Variants in SMC6 observed in about 807,000 individuals in gnomAD.
The protein encoded by SMC6 is structural maintenance of chromosomes protein 6.
Under a neutral mutation model 142.2 loss-of-function variants are expected in SMC6, and 79 were observed. The observed-to-expected ratio is 0.56, with a 90% confidence interval of 0.46 to 0.67. The LOEUF (loss-of-function observed/expected upper bound fraction) is 0.67. Among genes scored for constraint, SMC6 ranks in the 30% least tolerant of loss-of-function variants. SMC6 has a pLI of 0.00. For missense variants in SMC6, 1,072 were observed against 1,284.0 expected (o/e 0.83, Z 2.52); for synonymous variants, 411 against 412.4 (o/e 1.00, Z 0.04).
intron 7 of SMC6, among the ~76,000 whole-genome samples, chr2:17,730,398 GAA>G (rs199786807): frequency 7.4e-5 from 8 of 107,922 alleles, no homozygotes; most frequent in African/African-American, 1.2e-4. Flanking sequence ...CACTCATCCA[GAA>G]AAAAAAAAAA....
intron 21 of SMC6, 66 bp from the exon 22 acceptor site, chr2:17,696,492 T>C: frequency 6.6e-7 from 1 of 1,514,314 alleles, no homozygotes; most frequent in East Asian, 2.3e-5. Flanking sequence ...ATAAAGATAA[T>C]AAACAACTCG....
chr2:17,676,393 C>T (rs891454378), intron 25 of SMC6, among the ~76,000 whole-genome samples: 12 of 152,064 alleles, frequency 7.9e-5, no homozygotes, highest in African/African-American at 2.7e-4. Flanking sequence ...CCTTTCCATG[C>T]TTCTTCATAT....
chr2:17,748,397 G>A (rs1449128830), intron 2 of SMC6, among the ~76,000 whole-genome samples: 1 of 152,058 alleles, frequency 6.6e-6, no homozygotes, highest in Non-Finnish European at 1.5e-5. Flanking sequence ...TTATGAAGTC[G>A]AATACCATTT....
Position 17,704,656 on chromosome 2 carries a change from C to T in SMC6, c.2007-1364G>A, listed in dbSNP as rs532556570. On this transcript the variant is annotated intron_variant, in intron 18 of 27. Coordinates refer to ENST00000448223, the MANE Select transcript of SMC6 (RefSeq NM_001142286.2). Reference sequence around the variant, plus strand: ...ATCTCTGAAATCTGAAACCATTTTGCAGTTTGTGGTTCAATTAGCATTTAT... The same window carrying T: ...ATCTCTGAAATCTGAAACCATTTTGTAGTTTGTGGTTCAATTAGCATTTAT... Among the ~76,000 whole-genome samples the T allele has an allele frequency of 9.2e-5, 14 of 152,260 alleles. No individual in the cohort carries two copies. The South Asian group carries it at 2.9e-3, about 32-fold the overall frequency.
chr2:17,741,116 A>G (rs2125072276), intron 4 of SMC6, among the ~76,000 whole-genome samples: 1 of 152,340 alleles, frequency 6.6e-6, no homozygotes, highest in East Asian at 1.9e-4. Flanking sequence ...CTAATGAGCA[A>G]TCTTTGCCTG....
chr2:17,717,110 G>C lies in SMC6; in HGVS notation c.1159C>G (p.Arg387Gly). The change falls in exon 13 of 28, where the codon CGA becomes GGA. Residue 387 changes from arginine to glycine, a missense_variant. Transcript: ENST00000448223. ...TACCTTTTTTTCAGCTCTTCAATTC[G>C]TTTACAAAGCTGCTCATCATCTTTC... ...LKKDDEQLCK[R>G]IEELKKSTDQ... The C allele has an allele frequency of 6.2e-7, 1 of 1,610,390 alleles. No homozygotes were observed. Among genetic ancestry groups the C allele is most frequent in the Non-Finnish European group, 8.5e-7 (1 of 1,178,784 alleles).
chr2:17,709,223 A>G (rs917969058), intron 16 of SMC6, among the ~76,000 whole-genome samples: 1 of 151,072 alleles, frequency 6.6e-6, no homozygotes, highest in Non-Finnish European at 1.5e-5. Flanking sequence ...AATTTCCTTA[A>G]ATCTCATACA....
intron 21 of SMC6, among the ~76,000 whole-genome samples, chr2:17,696,906 A>G (rs1668029320): frequency 6.6e-6 from 1 of 152,178 alleles, no homozygotes; most frequent in African/African-American, 2.4e-5. Flanking sequence ...AAAAACAAAC[A>G]GTAGTAGATA....
chr2:17,726,539 ATACAT>A (rs1245994456), intron 7 of SMC6, 70 bp from the exon 8 acceptor site: 10 of 1,302,944 alleles, frequency 7.7e-6, no homozygotes, highest in East Asian at 7.0e-5. Context: ...AAACTGAAAC[ATACAT>A]TACAAGTGAC....
intron 21 of SMC6, among the ~76,000 whole-genome samples, chr2:17,699,188 T>C (rs1389463036): frequency 6.6e-6 from 1 of 152,148 alleles, no homozygotes; most frequent in African/African-American, 2.4e-5. Flanking sequence ...AGTTTGCCTT[T>C]ATCTGAGAAT....
intron 21 of SMC6, among the ~76,000 whole-genome samples, chr2:17,697,297 C>A (rs1572283210): frequency 6.6e-6 from 1 of 151,214 alleles, no homozygotes; most frequent in African/African-American, 2.4e-5. Context: ...TGTATTTATA[C>A]AAAAACAGAT....
At chr2:17,749,851 C>T (rs58748546) in intron 2 of SMC6, among the ~76,000 whole-genome samples, 22,379 of 152,102 alleles carry the variant, frequency 0.15, 2,113 homozygotes, top group African/African-American at 0.27. Flanking sequence ...TAGTGACACA[C>T]ATAACAGAAT....
Position 17,703,240 on chromosome 2 carries a change from G to A in SMC6, c.2059C>T (p.Gln687Ter). 6.2e-7 allele frequency: 1 copy of A among 1,606,138 alleles called. No individual in the cohort carries two copies. The highest frequency in any genetic ancestry group is 1.1e-5 in the South Asian group (1 of 90,088). ...NKTAQILNLQ[Q>*]HLSALEKDIK... ...TCTTTTTCAAGGGCAGATAAATGTT[G>A]CTGAAGATTTAATATCTGGGCCGTC... is the stretch of plus-strand genomic sequence containing the variant. Residue 687 changes from glutamine (Q) to a stop codon, truncating the protein, a stop_gained, in exon 19 of 28, where the codon CAA becomes TAA. Coordinates refer to ENST00000448223, the MANE Select transcript of SMC6 (RefSeq NM_001142286.2). LOFTEE classifies it high-confidence loss of function.
intron 24 of SMC6, chr2:17,679,829 G>C (rs1667160568): frequency 6.6e-6 from 1 of 152,434 alleles, no homozygotes; most frequent in African/African-American, 2.4e-5. Context: ...CCTTTTAGTG[G>C]GGAATGGTAT....
At chr2:17,747,386 G>A (rs914743386) in intron 2 of SMC6, among the ~76,000 whole-genome samples, 5 of 152,168 alleles carry the variant, frequency 3.3e-5, no homozygotes, top group African/African-American at 1.2e-4. Flanking sequence ...CCAATATGGA[G>A]GGAAGCAGTT....
chr2:17,711,466 G>A (rs1489375547), intron 16 of SMC6, among the ~76,000 whole-genome samples: 1 of 151,998 alleles, frequency 6.6e-6, no homozygotes, highest in Non-Finnish European at 1.5e-5. Context: ...AGTATAATAG[G>A]CCTCACTGGT....
chr2:17,665,324 C>T lies in SMC6; in HGVS notation c.*175G>A. On this transcript the variant is annotated 3_prime_UTR_variant, in exon 28 of 28. Coordinates refer to ENST00000448223, the MANE Select transcript of SMC6 (RefSeq NM_001142286.2). ...TTAAAGTAATAGTAATCTTAAATTG[C>T]AGGTTGTAGTTGGTTTTCCAGGCTT... is the stretch of plus-strand genomic sequence containing the variant. 1 of 394,130 alleles carries T rather than the reference C, an allele frequency of 2.5e-6. No individual in the cohort carries two copies. 24.4% of individuals were successfully genotyped at this position (394,130 alleles called of 1,614,324 possible). A position where few individuals can be genotyped will look rare whatever the true frequency, so the allele number is the denominator to read the frequency against.
At chr2:17,740,952 T>C (rs574009822) in intron 4 of SMC6, 12 of 286,556 alleles carry the variant, frequency 4.2e-5, no homozygotes, top group South Asian at 3.4e-4. Context: ...CTTCAAACTC[T>C]TTAACATGAC....
intron 11 of SMC6, among the ~76,000 whole-genome samples, chr2:17,719,692 C>T (rs567869133): frequency 2.0e-5 from 3 of 152,204 alleles, no homozygotes; most frequent in Admixed American, 1.3e-4. Context: ...TCAGAATATT[C>T]TTTCAGAAAT....
Sources: gnomAD v4.1 joint callset for allele counts (sites outside exome capture counted in the v4.1 genomes callset) on GRCh38, gnomAD v4.1.1 for gene constraint, MANE v1.5 for transcripts, NCBI Gene and HGNC (gene_info 2026-07-23, HGNC 2026-07-21) for gene names.